CDH3: variants seen among roughly 807,000 people sequenced by gnomAD.
CDH3 encodes the protein cadherin 3.
A neutral mutation model predicts 82.0 loss-of-function variants in CDH3; 54 were observed. The ratio of observed to expected loss-of-function variants is 0.66; its 90% CI spans 0.53 to 0.83. CDH3 has a LOEUF of 0.83. Ranked by LOEUF, CDH3 falls within the 40% of genes least tolerant of loss-of-function variation. The pLI is 0.00. For synonymous variants in CDH3, 446 were observed against 437.9 expected, an observed-to-expected ratio of 1.02 and a Z score of -0.23; for missense variants, 1,054 against 1,084.6, an observed-to-expected ratio of 0.97 and a Z score of 0.40.
rs369776130 is a variant in CDH3 at position 68,695,357 on chromosome 16, G to C, written c.2105G>C (p.Gly702Ala). The C allele has an allele frequency of 1.5e-5, 24 of 1,613,416 alleles. No individual in the cohort carries two copies. The African/African-American group carries it at 1.7e-4, about 12-fold the overall frequency. Residue 702 changes from glycine (G) to alanine (A), a missense_variant, in exon 14 of 16, where the codon GGC becomes GCC. By Grantham distance (60) the Gly-to-Ala change is moderately conservative. Coordinates refer to ENST00000264012, the MANE Select transcript of CDH3 (RefSeq NM_001793.6). Reference protein sequence around the residue: ...DDTRDNVFYYGEEGGGEEDQD... With the variant: ...DDTRDNVFYYAEEGGGEEDQD... ...ACCCGTGACAACGTCTTCTACTATG[G>C]CGAAGAGGGGGGTGGCGAAGAGGAC...
chr16:68,679,428 C>A (rs963902896), intron 6 of CDH3, among the ~76,000 whole-genome samples: 1 of 152,040 alleles, frequency 6.6e-6, no homozygotes, highest in African/African-American at 2.4e-5. Context: ...GCGCGGTGGC[C>A]CACGCCTGGA....
intron 13 of CDH3, 108 bp from the exon 14 acceptor site, chr16:68,695,147 C>T: frequency 8.6e-7 from 1 of 1,162,628 alleles, no homozygotes; most frequent in South Asian, 1.3e-5. Flanking sequence ...ATGTTAAGCT[C>T]TGGCTACTGA....
chr16:68,654,695 T>C (rs1312562555), intron 2 of CDH3, among the ~76,000 whole-genome samples: 4 of 105,430 alleles, frequency 3.8e-5, no homozygotes, highest in African/African-American at 1.6e-4. Flanking sequence ...CGAGCAAGAC[T>C]CTGTCTCAAA....
downstream of CDH3, among the ~76,000 whole-genome samples, chr16:68,728,624 G>A (rs758363086): frequency 7.9e-5 from 12 of 152,144 alleles, no homozygotes; most frequent in Admixed American, 1.3e-4. Flanking sequence ...GGCAGGGACC[G>A]TATTTTGTTT....
At chr16:68,658,890 A>AT (rs1188050472) in intron 2 of CDH3, among the ~76,000 whole-genome samples, 1 of 151,874 alleles carries the variant, frequency 6.6e-6, no homozygotes, top group African/African-American at 2.4e-5. Flanking sequence ...GGAGCTTTTT[A>AT]TTTTTTTATC....
At chr16:68,733,581 A>G in the CDH3 span, among the ~76,000 whole-genome samples, 1 of 152,170 alleles carries the variant, frequency 6.6e-6, no homozygotes, top group Non-Finnish European at 1.5e-5. Context: ...CGTCTCTACT[A>G]AAATACAAAA....
intron 1 of CDH3, 54 bp downstream of exon 1, chr16:68,645,478 C>T: frequency 1.9e-6 from 3 of 1,590,492 alleles, no homozygotes; most frequent in South Asian, 1.1e-5. Flanking sequence ...GGGGGGCGGG[C>T]GGGGTCCGCA....
At position 68,686,388 on chromosome 16, in the gene CDH3, C is replaced by T. The variant is rs1048559719; in HGVS notation, c.1570+1038C>T. ...TGAGGTGGAGGGAGTCATGGCAGGA[C>T]AAGCATTTAGAAAGTTTCTTCCACT... On this transcript the variant is annotated intron_variant, in intron 11 of 15. Coordinates refer to ENST00000264012, the MANE Select transcript of CDH3 (RefSeq NM_001793.6). 265 of 1,282,320 alleles carry T rather than the reference C, an allele frequency of 2.1e-4. 1 individual carries two copies. The Admixed American group carries it at 4.5e-3, about 22-fold the overall frequency. The allele number at this position is 1,282,320 out of a possible 1,614,324, so 79.4% of individuals were successfully genotyped here. A position where few individuals can be genotyped will look rare whatever the true frequency, so the allele number is the denominator to read the frequency against.
intron 3 of CDH3, among the ~76,000 whole-genome samples, chr16:68,677,001 G>A (rs185990738): frequency 2.2e-4 from 33 of 152,138 alleles, no homozygotes; most frequent in Non-Finnish European, 3.5e-4. Flanking sequence ...ACCCCTTCAC[G>A]CAGTTAACCA....
chr16:68,676,454 A>G lies in CDH3; in HGVS notation c.230A>G (p.Asn77Ser), dbSNP rs759681036. ...GATAATGATGACTTCACTGTGCGGA[A>G]TGGCGAGACAGTCCAGGTAAAATAC... Reference protein sequence around the residue: ...STDNDDFTVRNGETVQERRSL... With the variant: ...STDNDDFTVRSGETVQERRSL... The change falls in exon 3 of 16, where the codon AAT (asparagine) becomes AGT (serine). Residue 77 changes from asparagine to serine, a missense_variant. Coordinates refer to ENST00000264012, the MANE Select transcript of CDH3 (RefSeq NM_001793.6). The G allele has an allele frequency of 6.2e-7, 1 of 1,613,276 alleles. No individual in the cohort carries two copies. The highest frequency in any genetic ancestry group is 1.1e-5 in the South Asian group (1 of 91,070).
intron 9 of CDH3, among the ~76,000 whole-genome samples, chr16:68,683,651 C>G (rs1597810392): frequency 1.4e-5 from 1 of 69,866 alleles, no homozygotes; most frequent in African/African-American, 6.5e-5. Flanking sequence ...GACTCTGTCT[C>G]AAAAAAAAAA....
chr16:68,708,054 G>A (rs925060601), intron 1 of CDH3, among the ~76,000 whole-genome samples: 28 of 151,988 alleles, frequency 1.8e-4, no homozygotes, highest in African/African-American at 5.8e-4. Context: ...TAGACTGGGC[G>A]CAGTGACTCA....
At chr16:68,719,678 T>C (rs1962140535) in intron 1 of CDH3, among the ~76,000 whole-genome samples, 1 of 151,888 alleles carries the variant, frequency 6.6e-6, no homozygotes, top group Non-Finnish European at 1.5e-5. Flanking sequence ...TTTTTGTATT[T>C]TTATTAGAGA....
intron 15 of CDH3, 114 bp from the exon 16 acceptor site, chr16:68,698,077 C>T (rs1264448515): frequency 1.1e-6 from 1 of 938,734 alleles, no homozygotes; most frequent in Non-Finnish European, 1.7e-6. Context: ...TTCATTTCTA[C>T]CTCCAAAACC....
At position 68,678,141 on chromosome 16, in the gene CDH3, G is replaced by T; in HGVS notation, c.254G>T (p.Arg85Met). The T allele has an allele frequency of 6.2e-7, 1 of 1,613,910 alleles. No individual in the cohort carries two copies. The highest frequency in any genetic ancestry group is 8.5e-7 in the Non-Finnish European group (1 of 1,179,802). ...GAGTTTCTCTCCTTGCAGGAAAGAA[G>T]GTCACTGAAGGAAAGGAATCCATTG... ...VRNGETVQER[R>M]SLKERNPLKI... The change falls in exon 4 of 16, where the codon AGG becomes ATG. Residue 85 changes from arginine (R) to methionine (M), a missense_variant. Physicochemically the swap from Arg to Met is moderately conservative, Grantham distance 91. Transcript: ENST00000264012.
chr16:68,679,758 G>A (rs1282231074), intron 6 of CDH3, 41 bp from the exon 7 acceptor site: 1 of 1,334,446 alleles, frequency 7.5e-7, no homozygotes, highest in Admixed American at 1.7e-5. Context: ...CAGGGCTGGA[G>A]TTGGAACTGG....
At chr16:68,702,048 T>G, downstream of CDH3, among the ~76,000 whole-genome samples, 1 of 151,922 alleles carries the variant, frequency 6.6e-6, no homozygotes, top group South Asian at 2.1e-4. Context: ...TCTATAGATA[T>G]ATCTATAGAT....
chr16:68,695,720 G>A, intron 14 of CDH3, 57 bp from the exon 15 acceptor site: 2 of 1,592,906 alleles, frequency 1.3e-6, no homozygotes, highest in Non-Finnish European at 1.7e-6. Context: ...GATGTAAGTG[G>A]CAGGGGAGTG....
chr16:68,704,290 A>G (rs1961933996), downstream of CDH3, among the ~76,000 whole-genome samples: 1 of 151,992 alleles, frequency 6.6e-6, no homozygotes, highest in Admixed American at 6.6e-5. Flanking sequence ...TCGTCTCAAA[A>G]AAAAAAAAAA....
Sources: gnomAD v4.1 joint callset for allele counts (sites outside exome capture counted in the v4.1 genomes callset) on GRCh38, gnomAD v4.1.1 for gene constraint, MANE v1.5 for transcripts, NCBI Gene and HGNC (gene_info 2026-07-23, HGNC 2026-07-21) for gene names.